The following LRP4 variants were observed in gnomAD, a reference collection of about 807,000 sequenced individuals.
LRP4 encodes the protein low-density lipoprotein receptor-related protein 4.
LRP4 carries 95 observed loss-of-function variants against 220.3 expected under a neutral mutation model. The ratio of observed to expected loss-of-function variants is 0.43; its 90% confidence interval spans 0.37 to 0.51. LRP4 has a LOEUF of 0.51. Ranked by LOEUF, LRP4 falls within the 20% of genes least tolerant of loss-of-function variation. The pLI, the probability that LRP4 is intolerant of heterozygous loss-of-function variation, is 0.00. For synonymous variants in LRP4, 903 were observed against 954.6 expected (o/e 0.95, Z 1.00); for missense variants, 1,925 against 2,567.0 (o/e 0.75, Z 5.40).
chr11:46,888,809 C>T (rs1941357880), intron 16 of LRP4, among the ~76,000 whole-genome samples: 2 of 152,062 alleles, frequency 1.3e-5, no homozygotes, highest in African/African-American at 4.8e-5. Context: ...ATGCCCGGAC[C>T]GCTCCTCTCT....
At chr11:46,878,817 GACCACATTGGAGCCC>G in intron 22 of LRP4, 75 bp downstream of exon 22, 1 of 1,577,450 alleles carries the variant, frequency 6.3e-7, no homozygotes, top group Non-Finnish European at 8.7e-7. Context: ...TGGTTTCTCA[GACCACATTGGAGCCC>G]ATCTGCAAGG....
chr11:46,865,573 A>G (rs1415768843), intron 34 of LRP4, among the ~76,000 whole-genome samples: 7 of 152,218 alleles, frequency 4.6e-5, no homozygotes, highest in Admixed American at 4.6e-4. Flanking sequence ...CAAGAGCTAA[A>G]TATCCCAAGG....
At chr11:46,903,987 C>T (rs997777073) in intron 1 of LRP4, among the ~76,000 whole-genome samples, 4 of 152,208 alleles carry the variant, frequency 2.6e-5, no homozygotes, top group African/African-American at 9.6e-5. Flanking sequence ...GCGTGCCCAG[C>T]AGGATGCCCT....
At position 46,864,452 on chromosome 11, in the gene LRP4, ACAG is replaced by A. The variant is rs761313533; in HGVS notation, c.5236_5238del (p.Leu1746del). ...CTGTAGCAAGACTGAAGTTACCTGTACAGCATCAAAGCTGCAATCACCACCAAA... is the reference window on the plus strand; with the variant it reads ...CTGTAGCAAGACTGAAGTTACCTGTACATCAAAGCTGCAATCACCACCAAA... On this transcript the variant is annotated inframe_deletion, in exon 36 of 38. Coordinates refer to ENST00000378623, the MANE Select transcript of LRP4 (RefSeq NM_002334.4). 1 of 1,612,000 alleles carries A rather than the reference ACAG, an allele frequency of 6.2e-7. No individual in the cohort carries two copies. Among genetic ancestry groups the A allele is most frequent in the South Asian group, 1.1e-5 (1 of 91,032 alleles).
chr11:46,877,638 T>C (rs1941053212), intron 22 of LRP4, among the ~76,000 whole-genome samples: 1 of 152,060 alleles, frequency 6.6e-6, no homozygotes. Flanking sequence ...CAGCTAATTT[T>C]TGTATTTTTT....
chr11:46,867,778 G>A (rs551617942), intron 34 of LRP4, among the ~76,000 whole-genome samples: 2 of 152,300 alleles, frequency 1.3e-5, no homozygotes, highest in East Asian at 3.9e-4. Context: ...TGTTCTTAAA[G>A]CTTCTTGCCC....
rs551815727 is a variant in LRP4, at chr11:46,873,304, G to T, written c.4449-70C>A. 6.2e-7 allele frequency: 1 copy of T among 1,612,084 alleles called. No homozygotes were observed. The highest frequency in any genetic ancestry group is 1.3e-5 in the African/African-American group (1 of 75,030). ...CACCCAGAGGTTGAGAGAACACAGA[G>T]GACCCACTAACACCATCTTTCCACC... On this transcript the variant is annotated intron_variant, in intron 29 of 37. Coordinates refer to ENST00000378623, the MANE Select transcript of LRP4 (RefSeq NM_002334.4). This position sits in a 1 kb window ranked among gnomAD's most constrained non-coding sequence, Gnocchi z 4.2.
At chr11:46,878,422 C>T (rs752096614) in intron 22 of LRP4, among the ~76,000 whole-genome samples, 43 of 151,722 alleles carry the variant, frequency 2.8e-4, no homozygotes, top group Middle Eastern at 3.4e-3. Context: ...TGGGATTACG[C>T]GCCACCATGC....
chr11:46,891,629 A>AT (rs920700096), intron 13 of LRP4, among the ~76,000 whole-genome samples: 1 of 151,560 alleles, frequency 6.6e-6, no homozygotes, highest in Admixed American at 6.6e-5. Context: ...TTTAAATTTA[A>AT]TTTTTTTTGA....
intron 34 of LRP4, among the ~76,000 whole-genome samples, chr11:46,865,646 G>A (rs565647320): frequency 7.2e-5 from 11 of 152,326 alleles, no homozygotes; most frequent in African/African-American, 2.2e-4. Flanking sequence ...TCCAGAGGGA[G>A]TGCTCAGATA....
chr11:46,878,764 GC>G, intron 22 of LRP4, 142 bp downstream of exon 22: 1 of 1,251,232 alleles, frequency 8.0e-7, no homozygotes, highest in Non-Finnish European at 1.1e-6. Context: ...TTTTCTAAAA[GC>G]CGTGAGTCTC....
chr11:46,907,872 G>T (rs1941787696), intron 1 of LRP4, among the ~76,000 whole-genome samples: 1 of 152,148 alleles, frequency 6.6e-6, no homozygotes, highest in Non-Finnish European at 1.5e-5. Context: ...GCTTTGTAAA[G>T]ATTAACCCAT....
At chr11:46,859,368 T>C in intron 37 of LRP4, 53 bp from the exon 38 acceptor site, 1 of 1,359,112 alleles carries the variant, frequency 7.4e-7, no homozygotes, top group East Asian at 2.3e-5. Context: ...CTACAAAGGA[T>C]CCCATGGTAA....
In LRP4 at chr11:46,859,293, G is replaced by A; in HGVS notation, c.5408C>T (p.Thr1803Ile). 2 of 1,614,054 alleles carry A rather than the reference G, an allele frequency of 1.2e-6. No individual in the cohort carries two copies. The highest frequency in any genetic ancestry group is 1.1e-5 in the South Asian group (1 of 91,072). Reference sequence around the variant, plus strand: ...CTCTACGATCTTGATCTTCTCCTTGGTGTAGTTATGGTCAGGCCCTCCCTA... The same window carrying A: ...CTCTACGATCTTGATCTTCTCCTTGATGTAGTTATGGTCAGGCCCTCCCTA... ...KKEGGPDHNY[T>I]KEKIKIVEGI... The change falls in exon 38 of 38, where the codon ACC becomes ATC. Residue 1803 changes from threonine (T) to isoleucine (I), a missense_variant. Transcript: ENST00000378623.
chr11:46,913,983 A>G (rs1449072842), intron 1 of LRP4, among the ~76,000 whole-genome samples: 1 of 152,164 alleles, frequency 6.6e-6, no homozygotes, highest in African/African-American at 2.4e-5. Flanking sequence ...CAATTTTAGC[A>G]CAGAACACGG....
Position 46,876,783 on chromosome 11 carries a change from T to A in LRP4, c.3325A>T (p.Asn1109Tyr). 6.2e-7 allele frequency: 1 copy of A among 1,614,134 alleles called. No homozygotes were observed. Among genetic ancestry groups the A allele is most frequent in the Non-Finnish European group, 8.5e-7 (1 of 1,180,020 alleles). The change falls in exon 24 of 38, where the codon AAT (asparagine) becomes TAT (tyrosine). Residue 1109 changes from asparagine (N) to tyrosine (Y), a missense_variant. By Grantham distance (143) the Asn-to-Tyr change is moderately radical. This residue lies in a region of LRP4 where 1,244 missense variants were observed against 1,624.9 expected (regional missense o/e 0.77). Transcript: ENST00000378623. ...DSTLHRISRA[N>Y]LDGSQHEDII... ...TCCTCATGCTGTGAGCCATCCAGAT[T>A]GGCACGACTGATCCTGTGCAGTGTG...
chr11:46,876,867 C>T (rs761184280), intron 23 of LRP4, 37 bp from the exon 24 acceptor site: 1 of 1,498,984 alleles, frequency 6.7e-7, no homozygotes, highest in Non-Finnish European at 9.3e-7. Context: ...TAGACCCTCA[C>T]CGCCTACAAT....
rs184055564 is a variant in LRP4, at chr11:46,902,217, G to A, written c.199+566C>T. ...TACTAAAAATACAAAAAATTAGCTG[G>A]GCATGGTGGCACATGCCTGTAGTCC... On this transcript the variant is annotated intron_variant, in intron 2 of 37. Coordinates refer to ENST00000378623, the MANE Select transcript of LRP4 (RefSeq NM_002334.4). Among the ~76,000 whole-genome samples the A allele has an allele frequency of 5.7e-4, 87 of 151,692 alleles. No homozygotes were observed. In the East Asian group the frequency reaches 8.4e-3, roughly 15 times the overall value.
rs779705585 is a variant in LRP4 at position 46,899,050 on chromosome 11, G to T, written c.548-18C>A. On this transcript the variant is annotated intron_variant, in intron 5 of 37. Transcript: ENST00000378623. This position sits in a 1 kb window ranked among gnomAD's most constrained non-coding sequence, Gnocchi z 5.9. ...TGCTGAGGCTGGAGGGAAGGCAGGG[G>T]TGGGGAGGGGCACACACTCAGGCCT... is the stretch of plus-strand genomic sequence containing the variant. 14 of 1,607,306 alleles carry T rather than the reference G, an allele frequency of 8.7e-6. No individual in the cohort carries two copies. Among genetic ancestry groups the T allele is most frequent in the Admixed American group, 1.7e-5 (1 of 59,868 alleles).
Sources: gnomAD v4.1 joint callset for allele counts (sites outside exome capture counted in the v4.1 genomes callset) on GRCh38, gnomAD v4.1.1 for gene constraint, gnomAD v4.1.1 regional missense constraint, Gnocchi (gnomAD v3.1) non-coding constraint, MANE v1.5 for transcripts, NCBI Gene and HGNC (gene_info 2026-07-23, HGNC 2026-07-21) for gene names.